Variants in TOPAZ1 observed in about 807,000 individuals in gnomAD.
TOPAZ1 encodes the protein protein TOPAZ1.
A neutral mutation model predicts 172.2 loss-of-function variants in TOPAZ1; 66 were observed. The observed-to-expected ratio is 0.38, with a 90% confidence interval of 0.31 to 0.47. The LOEUF (loss-of-function observed/expected upper bound fraction) is 0.47, where lower values mean the gene tolerates loss of function less well. Ranked by LOEUF, TOPAZ1 falls within the 20% of genes least tolerant of loss-of-function variation. TOPAZ1 has a pLI of 0.99. For missense variants in TOPAZ1, 1,822 were observed against 1,972.4 expected (o/e 0.92, Z 1.44); for synonymous variants, 681 against 683.9 (o/e 1.00, Z 0.07).
rs1345906639 is a variant in TOPAZ1 at position 44,242,011 on chromosome 3, C to T, written c.-43C>T. The stretch of plus-strand genomic sequence containing the variant: ...GCGTTTGCACCGCGGTGGGTTCCTG[C>T]GAGCTGGTGCAGAGGGGCCCCAGCG... On this transcript the variant is annotated 5_prime_UTR_variant, in exon 1 of 20. Coordinates refer to ENST00000309765, the MANE Select transcript of TOPAZ1 (RefSeq NM_001145030.2). 5.3e-6 allele frequency: 8 copies of T among 1,519,832 alleles called. No homozygotes were observed. Among genetic ancestry groups the T allele is most frequent in the East Asian group, 2.5e-5 (1 of 40,600 alleles). 94.1% of individuals were successfully genotyped at this position (1,519,832 alleles called of 1,614,324 possible). A position where few individuals can be genotyped will look rare whatever the true frequency, so the allele number is the denominator to read the frequency against.
In TOPAZ1 at chr3:44,269,294, A is replaced by G; in HGVS notation, c.3239A>G (p.Asn1080Ser). The change falls in exon 7 of 20, where the codon AAT (asparagine) becomes AGT (serine). Residue 1080 changes from asparagine (N) to serine (S), a missense_variant. Around this residue, in one of 2 missense-constraint regions of TOPAZ1, gnomAD observed 1,489 missense variants for 1,490.8 expected, o/e 1.00. Transcript: ENST00000309765. ...TGTGAAATATTCAAGAGGGAAAAAA[A>G]TGTGGGGGTAAGTCTACTTTAAAAA... ...ETCEIFKREK[N>S]VGVFQKSLGL... 6.5e-7 allele frequency: 1 copy of G among 1,536,712 alleles called. No individual in the cohort carries two copies.
intron 6 of TOPAZ1, among the ~76,000 whole-genome samples, chr3:44,268,478 A>T (rs1040172373): frequency 7.0e-6 from 1 of 141,888 alleles, no homozygotes; most frequent in Non-Finnish European, 1.5e-5. Flanking sequence ...GGTTCAAGTG[A>T]TTCTCCTGCC....
At chr3:44,247,584 A>T (rs1699580482) in intron 2 of TOPAZ1, among the ~76,000 whole-genome samples, 1 of 152,178 alleles carries the variant, frequency 6.6e-6, no homozygotes, top group Non-Finnish European at 1.5e-5. Flanking sequence ...GATTCTCATT[A>T]TTAGTACTCT....
At chr3:44,251,316 C>G (rs1161809426) in intron 2 of TOPAZ1, among the ~76,000 whole-genome samples, 2 of 152,166 alleles carry the variant, frequency 1.3e-5, no homozygotes, top group Non-Finnish European at 2.9e-5. Context: ...GAGACTGAAT[C>G]TCACTGTGTT....
At chr3:44,336,244 G>A (rs1700724921), downstream of TOPAZ1, among the ~76,000 whole-genome samples, 1 of 152,168 alleles carries the variant, frequency 6.6e-6, no homozygotes. Flanking sequence ...AAATTAGCTT[G>A]TAATTTTGTA....
At chr3:44,259,483 A>C (rs991182927) in intron 4 of TOPAZ1, among the ~76,000 whole-genome samples, 38 of 152,170 alleles carry the variant, frequency 2.5e-4, no homozygotes, top group African/African-American at 8.2e-4. Context: ...TTGTTTTTAT[A>C]GTTGTATAAT....
rs528066521 is a variant in TOPAZ1 at position 44,286,034 on chromosome 3, C to T, written c.3437-1355C>T. Among the ~76,000 whole-genome samples, 71 of 138,106 alleles carry T rather than the reference C, an allele frequency of 5.1e-4. 1 individual carries two copies. Among genetic ancestry groups the T allele is most frequent in the African/African-American group, 1.9e-3 (68 of 36,398 alleles). 90.6% of individuals were successfully genotyped at this position (138,106 alleles called of 152,430 possible). A position where few individuals can be genotyped will look rare whatever the true frequency, so the allele number is the denominator to read the frequency against. On this transcript the variant is annotated intron_variant, in intron 9 of 19. Transcript: ENST00000309765. ...GACCAGCCTGGCCCACATGGTGAAA[C>T]GCCGTCTCTACTAAAAATGCAAAAA...
At chr3:44,318,779 T>C (rs1307117369) in intron 16 of TOPAZ1, among the ~76,000 whole-genome samples, 10 of 147,984 alleles carry the variant, frequency 6.8e-5, no homozygotes. Context: ...TATATATATG[T>C]ATTTTATATA....
intron 12 of TOPAZ1, among the ~76,000 whole-genome samples, chr3:44,298,137 A>G (rs1700220223): frequency 6.6e-6 from 1 of 152,180 alleles, no homozygotes; most frequent in Non-Finnish European, 1.5e-5. Context: ...TTATGTGCAA[A>G]GGTAAAAGGA....
intron 12 of TOPAZ1, among the ~76,000 whole-genome samples, chr3:44,293,299 T>C (rs543783564): frequency 3.9e-5 from 6 of 152,360 alleles, no homozygotes; most frequent in African/African-American, 4.8e-5. Context: ...CTCCTACTTA[T>C]ATTTTTTTAA....
At chr3:44,322,271 G>A (rs1305530560) in intron 17 of TOPAZ1, among the ~76,000 whole-genome samples, 1 of 152,138 alleles carries the variant, frequency 6.6e-6, no homozygotes, top group African/African-American at 2.4e-5. Context: ...AAGAATAACT[G>A]AAGGAATAGA....
intron 12 of TOPAZ1, among the ~76,000 whole-genome samples, chr3:44,295,756 G>A (rs2125695762): frequency 6.6e-6 from 1 of 152,174 alleles, no homozygotes; most frequent in Middle Eastern, 3.4e-3. Flanking sequence ...ATTGAAAGGA[G>A]AAATGGACAA....
chr3:44,304,039 G>T lies in TOPAZ1; in HGVS notation c.3822G>T (p.Lys1274Asn), dbSNP rs1345326886. The T allele has an allele frequency of 3.9e-6, 6 of 1,538,640 alleles. No homozygotes were observed. Among genetic ancestry groups the T allele is most frequent in the South Asian group, 3.6e-5 (3 of 82,818 alleles). The change falls in exon 13 of 20, where the codon AAG (lysine) becomes AAT (asparagine). Residue 1274 changes from lysine (K) to asparagine (N), a missense_variant. Lys to Asn is a moderately conservative substitution (Grantham distance 94). This residue lies in a region of TOPAZ1 where 1,489 missense variants were observed against 1,490.8 expected (regional missense o/e 1.00). Transcript: ENST00000309765. Reference sequence around the variant, plus strand: ...GGTTACAGATGAGACGATTTAAAAAGAACTGGAAGTGTGATTTAGATTCAG... The same window carrying T: ...GGTTACAGATGAGACGATTTAAAAATAACTGGAAGTGTGATTTAGATTCAG... ...KSRLQMRRFKKNWKCDLDSAL... is the reference protein window; with the variant it reads ...KSRLQMRRFKNNWKCDLDSAL...
intron 13 of TOPAZ1, 61 bp downstream of exon 13, chr3:44,304,142 A>G: frequency 9.5e-7 from 1 of 1,055,340 alleles, no homozygotes; most frequent in South Asian, 1.6e-5. Flanking sequence ...AGCAACAAAA[A>G]AGGTTTGAAT....
intron 16 of TOPAZ1, among the ~76,000 whole-genome samples, chr3:44,312,171 C>A (rs1700403637): frequency 7.1e-6 from 1 of 141,738 alleles, no homozygotes; most frequent in African/African-American, 2.6e-5. Context: ...TATGATAAAG[C>A]AGAATGAGGC....
chr3:44,331,571 C>T (rs546824674), intron 19 of TOPAZ1, among the ~76,000 whole-genome samples: 238 of 152,270 alleles, frequency 1.6e-3, no homozygotes, highest in African/African-American at 5.5e-3. Context: ...AAGCGATCCC[C>T]CCAACCTGAG....
intron 7 of TOPAZ1, among the ~76,000 whole-genome samples, chr3:44,269,841 A>T (rs2125686446): frequency 6.6e-6 from 1 of 152,194 alleles, no homozygotes. Flanking sequence ...CATGTTGGCC[A>T]GGCTGGTCTC....
At position 44,290,898 on chromosome 3, in the gene TOPAZ1, C is replaced by T. The variant is rs764896328; in HGVS notation, c.3797+12C>T. 8.6e-6 allele frequency: 13 copies of T among 1,510,078 alleles called. No individual in the cohort carries two copies. In the South Asian group the frequency reaches 1.6e-4, roughly 19 times the overall value. 93.5% of individuals were successfully genotyped at this position (1,510,078 alleles called of 1,614,324 possible). ...GAAATGAAATCGAGGTGAGAAAAAT[C>T]ATTATTATTTAAGCCAAAATATATG... On this transcript the variant is annotated intron_variant, in intron 12 of 19. Coordinates refer to ENST00000309765, the MANE Select transcript of TOPAZ1 (RefSeq NM_001145030.2).
At chr3:44,261,688 G>A (rs1699777301) in intron 4 of TOPAZ1, among the ~76,000 whole-genome samples, 1 of 152,062 alleles carries the variant, frequency 6.6e-6, no homozygotes, top group Non-Finnish European at 1.5e-5. Flanking sequence ...CTAGTTCTGT[G>A]AACAATGTCA....
Sources: allele counts gnomAD v4.1 joint callset (sites outside exome capture counted in the v4.1 genomes callset), GRCh38; gene constraint gnomAD v4.1.1; regional missense constraint gnomAD v4.1.1; transcripts MANE v1.5; gene names NCBI Gene and HGNC (gene_info 2026-07-23, HGNC 2026-07-21).